The following BCAS3 variants were observed in gnomAD, a reference collection of about 807,000 sequenced individuals.
The protein encoded by BCAS3 is BCAS4/BCAS3 fusion.
In BCAS3, 53 loss-of-function variants were observed where a neutral mutation model predicts 116.1. The ratio of observed to expected loss-of-function variants is 0.46; its 90% confidence interval spans 0.37 to 0.57. The LOEUF (loss-of-function observed/expected upper bound fraction) is 0.57, where lower values mean the gene tolerates loss of function less well. BCAS3 is among the 20% of genes least tolerant of loss of function. The pLI, the probability that BCAS3 is intolerant of heterozygous loss-of-function variation, is 0.00. For synonymous variants in BCAS3, 391 were observed against 408.2 expected (o/e 0.96, Z 0.51); for missense variants, 917 against 1,165.4 (o/e 0.79, Z 3.10).
At chr17:61,114,774 A>G (rs1297546581) in intron 22 of BCAS3, among the ~76,000 whole-genome samples, 1 of 149,842 alleles carries the variant, frequency 6.7e-6, no homozygotes, top group Non-Finnish European at 1.5e-5. Flanking sequence ...AAGAGCCCGC[A>G]TCGCCAAGGC....
chr17:60,735,746 G>A (rs1210059430), intron 5 of BCAS3, among the ~76,000 whole-genome samples: 1 of 152,158 alleles, frequency 6.6e-6, no homozygotes, highest in East Asian at 1.9e-4. Flanking sequence ...AGTGATGTTA[G>A]CTGGACTTTT....
At chr17:60,959,519 A>T (rs1365906833) in intron 14 of BCAS3, among the ~76,000 whole-genome samples, 2 of 152,198 alleles carry the variant, frequency 1.3e-5, no homozygotes, top group Admixed American at 6.5e-5. Context: ...TGAATAGAGG[A>T]ACTAAATTTC....
chr17:61,378,775 A>C lies in BCAS3; in HGVS notation c.2593+10281A>C, dbSNP rs550727930. ...TTATTGATTAAAAGTCACACTTGTT[A>C]ATTTCTGGCCAGGTCTCAAATCTGA... is the stretch of plus-strand genomic sequence containing the variant. On this transcript the variant is annotated intron_variant, in intron 23 of 23. Coordinates refer to ENST00000407086, the MANE Select transcript of BCAS3 (RefSeq NM_017679.5). The surrounding 1 kb of genome is among the most constrained non-coding windows in gnomAD (Gnocchi z 5.8). 7.3e-4 allele frequency: 111 copies of C among 152,304 alleles called. 1 individual carries two copies. The highest frequency in any genetic ancestry group is 2.5e-3 in the African/African-American group (102 of 41,560). 9.4% of individuals were successfully genotyped at this position (152,304 alleles called of 1,614,324 possible). A position where few individuals can be genotyped will look rare whatever the true frequency, so the allele number is the denominator to read the frequency against.
At chr17:61,207,632 G>A (rs1294276406) in intron 22 of BCAS3, among the ~76,000 whole-genome samples, 1 of 151,940 alleles carries the variant, frequency 6.6e-6, no homozygotes, top group Non-Finnish European at 1.5e-5. Flanking sequence ...AAACTGCAGT[G>A]AACATCTTTA....
intron 4 of BCAS3, among the ~76,000 whole-genome samples, chr17:60,698,568 G>A (rs2035954360): frequency 6.6e-6 from 1 of 152,154 alleles, no homozygotes; most frequent in Non-Finnish European, 1.5e-5. Flanking sequence ...TAAGAAAAAG[G>A]AGATTTTGTA....
intron 22 of BCAS3, among the ~76,000 whole-genome samples, chr17:61,085,079 A>G (rs546918889): frequency 1.3e-5 from 2 of 152,226 alleles, no homozygotes; most frequent in Admixed American, 1.3e-4. Context: ...GAAACAAGCT[A>G]TGAATATGTA....
At chr17:60,865,873 G>C (rs981222909) in intron 7 of BCAS3, among the ~76,000 whole-genome samples, 1 of 152,072 alleles carries the variant, frequency 6.6e-6, no homozygotes, top group Non-Finnish European at 1.5e-5. Flanking sequence ...TATATCTGTA[G>C]ATTTTTTTAT....
chr17:61,170,348 A>G (rs898317600), intron 22 of BCAS3, among the ~76,000 whole-genome samples: 1 of 151,818 alleles, frequency 6.6e-6, no homozygotes, highest in Non-Finnish European at 1.5e-5. Context: ...GCTGGAGTGC[A>G]GTGGTGCGAC....
At chr17:60,721,524 G>A (rs73334325) in intron 5 of BCAS3, among the ~76,000 whole-genome samples, 6,646 of 152,142 alleles carry the variant, frequency 0.044, 525 homozygotes, top group African/African-American at 0.15. Context: ...GAATAGTGGC[G>A]TGACTCTTGT....
intron 22 of BCAS3, among the ~76,000 whole-genome samples, chr17:61,121,119 G>GA (rs1233488401): frequency 2.0e-5 from 3 of 151,532 alleles, no homozygotes; most frequent in Non-Finnish European, 4.4e-5. Context: ...ATGGGCACTT[G>GA]AAAAAAAGGG....
chr17:60,924,221 T>C (rs1312368933), intron 12 of BCAS3, among the ~76,000 whole-genome samples, 186 bp from the exon 13 acceptor site: 2 of 152,182 alleles, frequency 1.3e-5, no homozygotes, highest in African/African-American at 4.8e-5. Context: ...CTGATGTGCG[T>C]GGGGGCATGT....
chr17:60,924,569 A>T, intron 13 of BCAS3, 69 bp downstream of exon 13: 1 of 1,106,920 alleles, frequency 9.0e-7, no homozygotes, highest in Non-Finnish European at 1.3e-6. Context: ...TTTCCAGCCA[A>T]ATATGGAATA....
chr17:61,045,779 G>A (rs556758041), intron 19 of BCAS3, among the ~76,000 whole-genome samples: 6 of 122,626 alleles, frequency 4.9e-5, no homozygotes, highest in Admixed American at 2.1e-4. Context: ...CTGCACTACT[G>A]CACTCCTGCC....
At chr17:60,836,484 TGTTTA>T (rs1214551637) in intron 7 of BCAS3, among the ~76,000 whole-genome samples, 3 of 151,876 alleles carry the variant, frequency 2.0e-5, no homozygotes, top group Non-Finnish European at 4.4e-5. Flanking sequence ...TTAACTAGAG[TGTTTA>T]GTTCTGTTGT....
At position 60,807,411 on chromosome 17, in the gene BCAS3, T is replaced by G. The variant is rs533440344; in HGVS notation, c.404-593T>G. Among the ~76,000 whole-genome samples, 6 of 152,214 alleles carry G rather than the reference T, an allele frequency of 3.9e-5. No individual in the cohort carries two copies. The East Asian group carries it at 1.2e-3, about 29-fold the overall frequency. ...TTACTAGTTTTAGGTAATTAGTTGG[T>G]GGGGTATGGGATGGTTTTCTGATCT... On this transcript the variant is annotated intron_variant, in intron 6 of 23. Transcript: ENST00000407086.
intron 14 of BCAS3, among the ~76,000 whole-genome samples, chr17:60,979,004 A>G (rs1431231457): frequency 2.1e-3 from 284 of 135,042 alleles, no homozygotes; most frequent in Non-Finnish European, 3.6e-3. Flanking sequence ...TTGGTTCCAT[A>G]TGAACTTTAA....
chr17:61,027,258 T>G (rs1430423750), intron 16 of BCAS3: 1 of 439,902 alleles, frequency 2.3e-6, no homozygotes, highest in Non-Finnish European at 4.2e-6. Flanking sequence ...CTACATATCA[T>G]GCATAGCATT....
intron 22 of BCAS3, among the ~76,000 whole-genome samples, chr17:61,284,561 C>A (rs2051557896): frequency 6.6e-6 from 1 of 152,188 alleles, no homozygotes; most frequent in South Asian, 2.1e-4. Flanking sequence ...CGGAAGGAAC[C>A]AATTCCAGAC....
rs143887156 is a variant in BCAS3 at position 61,057,262 on chromosome 17, A to G, written c.2029+16370A>G. Among the ~76,000 whole-genome samples, 6 of 152,344 alleles carry G rather than the reference A, an allele frequency of 3.9e-5. No homozygotes were observed. In the East Asian group the frequency reaches 1.2e-3, roughly 29 times the overall value. ...TTTTTTAAATATTCCAGAAAATATC[A>G]GGGAAACCCTGTAGTTCAGCCTTTC... is the stretch of plus-strand genomic sequence containing the variant. On this transcript the variant is annotated intron_variant, in intron 19 of 23. Transcript: ENST00000407086.
Sources: allele counts gnomAD v4.1 joint callset (sites outside exome capture counted in the v4.1 genomes callset), GRCh38; gene constraint gnomAD v4.1.1; non-coding constraint Gnocchi (gnomAD v3.1); transcripts MANE v1.5; gene names NCBI Gene and HGNC (gene_info 2026-07-23, HGNC 2026-07-21).